The following TRAK2 variants were observed in gnomAD, a reference collection of about 807,000 sequenced individuals.
The protein encoded by TRAK2 is trafficking kinesin-binding protein 2.
A neutral mutation model predicts 104.6 loss-of-function variants in TRAK2; 81 were observed. The ratio of observed to expected loss-of-function variants is 0.77; its 90% CI spans 0.65 to 0.93. The LOEUF (loss-of-function observed/expected upper bound fraction) is 0.93, where lower values mean the gene tolerates loss of function less well. TRAK2 is among the 40% of genes least tolerant of loss of function. The pLI, the probability that TRAK2 is intolerant of heterozygous loss-of-function variation, is 0.00. For missense variants in TRAK2, 1,002 were observed against 1,089.0 expected, an observed-to-expected ratio of 0.92 and a Z score of 1.12; for synonymous variants, 406 against 394.4, an observed-to-expected ratio of 1.03 and a Z score of -0.35.
chr2:201,396,804 A>G (rs1378959842), intron 7 of TRAK2, among the ~76,000 whole-genome samples: 1 of 152,144 alleles, frequency 6.6e-6, no homozygotes, highest in African/African-American at 2.4e-5. Flanking sequence ...TATCCTGGGA[A>G]GTATGGAGTA....
Position 201,397,574 on chromosome 2 carries a change from G to T in TRAK2, c.697C>A (p.His233Asn). 6.2e-7 allele frequency: 1 copy of T among 1,610,980 alleles called. No individual in the cohort carries two copies. Among genetic ancestry groups the T allele is most frequent in the South Asian group, 1.1e-5 (1 of 90,718 alleles). ...TAGGTAACAGTTTCTGTCTTTATGT[G>T]ACAAGCCTTCAAGAAAAAAATCAGT... ...ENMALRSKACHIKTETVTYEE... is the reference protein window; with the variant it reads ...ENMALRSKACNIKTETVTYEE... Residue 233 changes from histidine to asparagine, a missense_variant, in exon 7 of 16, where the codon CAC (histidine) becomes AAC (asparagine). Coordinates refer to ENST00000332624, the MANE Select transcript of TRAK2 (RefSeq NM_015049.3).
intron 2 of TRAK2, among the ~76,000 whole-genome samples, chr2:201,413,570 G>T (rs1187449329): frequency 6.6e-6 from 1 of 152,042 alleles, no homozygotes; most frequent in Non-Finnish European, 1.5e-5. Context: ...ATCAAATCAA[G>T]ACTGCTAAAA....
chr2:201,450,592 A>G (rs1385091570), intron 1 of TRAK2, among the ~76,000 whole-genome samples: 1 of 152,146 alleles, frequency 6.6e-6, no homozygotes, highest in Non-Finnish European at 1.5e-5. Context: ...GCAAAGATCT[A>G]AAGGTCGGGA....
intron 1 of TRAK2, among the ~76,000 whole-genome samples, chr2:201,449,480 C>CTT (rs3083385): frequency 3.1e-5 from 3 of 98,034 alleles, no homozygotes; most frequent in African/African-American, 1.2e-4. Flanking sequence ...AATGTTGGTT[C>CTT]TTTTTTTTTT....
intron 13 of TRAK2, among the ~76,000 whole-genome samples, chr2:201,387,021 T>C (rs1951397845): frequency 6.6e-6 from 1 of 152,236 alleles, no homozygotes; most frequent in Non-Finnish European, 1.5e-5. Flanking sequence ...ACTGTAGTCA[T>C]TTCATCCTAA....
chr2:201,430,234 C>T (rs1371409215), intron 1 of TRAK2, among the ~76,000 whole-genome samples: 1 of 152,232 alleles, frequency 6.6e-6, no homozygotes, highest in Non-Finnish European at 1.5e-5. Flanking sequence ...TGTCAGTCAG[C>T]CCCTCCTGGG....
chr2:201,435,519 T>C (rs56044241), intron 1 of TRAK2, among the ~76,000 whole-genome samples: 14 of 152,214 alleles, frequency 9.2e-5, no homozygotes, highest in African/African-American at 2.9e-4. Flanking sequence ...CTTTTCAAGA[T>C]AGGCTTTCTT....
intron 1 of TRAK2, among the ~76,000 whole-genome samples, chr2:201,444,991 C>T (rs1398875383): frequency 2.8e-4 from 43 of 152,020 alleles, no homozygotes; most frequent in Admixed American, 2.8e-3. Flanking sequence ...TGTGACTTGT[C>T]AAAAAGCTTT....
chr2:201,437,114 A>G lies in TRAK2; in HGVS notation c.-200+14236T>C, dbSNP rs562009153. Among the ~76,000 whole-genome samples the G allele has an allele frequency of 5.3e-5, 8 of 152,354 alleles. 1 individual carries two copies. The highest frequency in any genetic ancestry group is 1.4e-4 in the African/African-American group (6 of 41,590). On this transcript the variant is annotated intron_variant, in intron 1 of 15. Coordinates refer to ENST00000332624, the MANE Select transcript of TRAK2 (RefSeq NM_015049.3). ...TTTTGAGGGAGAATTAACATGCAAT[A>G]GACGCCTTTGGTTTGCCCATGAACT... is the stretch of plus-strand genomic sequence containing the variant.
chr2:201,378,524 A>C lies in TRAK2; in HGVS notation c.*2019T>G, dbSNP rs1168706691. The C allele has an allele frequency of 2.0e-5, 3 of 152,190 alleles. No individual in the cohort carries two copies. Among genetic ancestry groups the C allele is most frequent in the Non-Finnish European group, 4.4e-5 (3 of 68,028 alleles). 9.4% of individuals were successfully genotyped at this position (152,190 alleles called of 1,614,324 possible). The stretch of plus-strand genomic sequence containing the variant: ...AAATAAAAAATTTTAAGAATTGACT[A>C]AAGTAAGCACCCCAGAGTCACTTTA... On this transcript the variant is annotated 3_prime_UTR_variant, in exon 16 of 16. Transcript: ENST00000332624.
At chr2:201,413,539 A>G (rs1951666689) in intron 2 of TRAK2, among the ~76,000 whole-genome samples, 2 of 152,130 alleles carry the variant, frequency 1.3e-5, no homozygotes, top group African/African-American at 4.8e-5. Context: ...CTGTATTACT[A>G]TTGAGTTTTT....
intron 10 of TRAK2, among the ~76,000 whole-genome samples, chr2:201,391,115 G>A (rs1379319451): frequency 2.0e-5 from 3 of 152,174 alleles, no homozygotes; most frequent in African/African-American, 2.4e-5. Context: ...TCTTGGATTC[G>A]AAATACAATT....
chr2:201,430,339 A>C (rs1482800240), intron 1 of TRAK2, among the ~76,000 whole-genome samples: 1 of 152,222 alleles, frequency 6.6e-6, no homozygotes, highest in Non-Finnish European at 1.5e-5. Context: ...TGGGAGAACC[A>C]CTATTCTCTT....
rs537361189 is a variant in TRAK2 at position 201,379,425 on chromosome 2, G to GA, written c.*1117dup. On this transcript the variant is annotated 3_prime_UTR_variant, in exon 16 of 16. Coordinates refer to ENST00000332624, the MANE Select transcript of TRAK2 (RefSeq NM_015049.3). ...GTTTTATTTTATTTTACATTAGGAA[G>GA]AAAAAACCACAATCTCAAAGCAAGC... 23 of 152,618 alleles carry GA rather than the reference G, an allele frequency of 1.5e-4. No homozygotes were observed. In the East Asian group the frequency reaches 3.9e-3, roughly 26 times the overall value. 9.5% of individuals were successfully genotyped at this position (152,618 alleles called of 1,614,324 possible).
At position 201,380,867 on chromosome 2, in the gene TRAK2, T is replaced by C; in HGVS notation, c.2421A>G (p.Pro807=). The change falls in exon 16 of 16, where the codon CCA becomes CCG. Residue 807 remains proline, a synonymous_variant. Coordinates refer to ENST00000332624, the MANE Select transcript of TRAK2 (RefSeq NM_015049.3). ...HLSENFLASR[P]AETFLQEMYG... is the part of the protein sequence containing the mutation. ...ACATCTCCTGGAGGAATGTCTCAGC[T>C]GGTCGAGAGGCCAAAAAATTTTCAG... is the stretch of plus-strand genomic sequence containing the variant. The C allele has an allele frequency of 6.2e-7, 1 of 1,614,014 alleles. No homozygotes were observed. The highest frequency in any genetic ancestry group is 8.5e-7 in the Non-Finnish European group (1 of 1,179,980).
intron 6 of TRAK2, 140 bp from the exon 7 acceptor site, chr2:201,397,720 A>C: frequency 1.6e-6 from 1 of 624,984 alleles, no homozygotes; most frequent in Non-Finnish European, 2.8e-6. Flanking sequence ...ATACATCTCT[A>C]CCTGGCTCAT....
At chr2:201,444,116 G>A (rs1193364255) in intron 1 of TRAK2, among the ~76,000 whole-genome samples, 3 of 152,002 alleles carry the variant, frequency 2.0e-5, no homozygotes, top group African/African-American at 4.8e-5. Context: ...CAGGAGAATC[G>A]CTTGAACCCG....
At chr2:201,438,092 A>T (rs2125661458) in intron 1 of TRAK2, among the ~76,000 whole-genome samples, 1 of 152,340 alleles carries the variant, frequency 6.6e-6, no homozygotes, top group South Asian at 2.1e-4. Flanking sequence ...ACACAATTGA[A>T]GAGGAGACAC....
In TRAK2 at chr2:201,377,872, T is replaced by C. The variant is rs1951302645; in HGVS notation, c.*2671A>G. 6.7e-6 allele frequency: 1 copy of C among 150,362 alleles called. No individual in the cohort carries two copies. Among genetic ancestry groups the C allele is most frequent in the South Asian group, 2.1e-4 (1 of 4,758 alleles). The allele number at this position is 150,362 out of a possible 1,614,324, so 9.3% of individuals were successfully genotyped here. A position where few individuals can be genotyped will look rare whatever the true frequency, so the allele number is the denominator to read the frequency against. The stretch of plus-strand genomic sequence containing the variant: ...TGAGGTATAATCACTGAAAACCTTC[T>C]TAAAGGCGAAAAAAAAAAAAGATTG... On this transcript the variant is annotated 3_prime_UTR_variant, in exon 16 of 16. Transcript: ENST00000332624.
Sources: gnomAD v4.1 joint callset for allele counts (sites outside exome capture counted in the v4.1 genomes callset) on GRCh38, gnomAD v4.1.1 for gene constraint, MANE v1.5 for transcripts, NCBI Gene and HGNC (gene_info 2026-07-23, HGNC 2026-07-21) for gene names.